Variants in HMGN5 observed in about 807,000 individuals in gnomAD.
HMGN5 encodes high mobility group nucleosome binding domain 5, also known as high mobility group nucleosome-binding domain-containing protein 5.
In HMGN5, 4 loss-of-function variants were observed where a neutral mutation model predicts 9.5. The ratio of observed to expected loss-of-function variants is 0.42; its 90% CI spans 0.21 to 0.96. The LOEUF is 0.96. HMGN5 is among the 40% of genes least tolerant of loss of function. The probability of loss-of-function intolerance (pLI) is 0.30; values close to 1 mark genes in which losing one functional copy is unlikely to be tolerated. For synonymous variants in HMGN5, 55 were observed against 57.1 expected (o/e 0.96, Z 0.16); for missense variants, 192 against 187.5 (o/e 1.02, Z -0.14).
chrX:81,155,690 C>T (rs1257133193), intron 1 of HMGN5, among the ~76,000 whole-genome samples: 2 of 111,547 alleles, frequency 1.8e-5, no homozygotes, highest in Non-Finnish European at 3.8e-5. Flanking sequence ...CTTTTTAAAA[C>T]ATTCTTTAAA....
At position 81,115,211 on chromosome X, in the gene HMGN5, T is replaced by G. The variant is rs1483320337; in HGVS notation, c.287A>C (p.Glu96Ala). 2.6e-6 allele frequency: 3 copies of G among 1,174,723 alleles called. No individual in the cohort carries two copies. Among genetic ancestry groups the G allele is most frequent in the Non-Finnish European group, 3.4e-6 (3 of 881,081 alleles). ...ATTTTCTTCTTTTACTTCCACAATT[T>G]CTTTTTCAGAAGCTGGTGCCTGTAA... ...KITEAPASEK[E>A]IVEVKEENIE... Residue 96 changes from glutamate to alanine, a missense_variant, in exon 7 of 7, where the codon GAA (glutamate) becomes GCA (alanine). Glu to Ala is a moderately radical substitution (Grantham distance 107). Transcript: ENST00000358130.
At chrX:81,198,581 A>G (rs2075515811) in intron 1 of HMGN5, among the ~76,000 whole-genome samples, 1 of 112,077 alleles carries the variant, frequency 8.9e-6, no homozygotes, top group African/African-American at 3.2e-5. Context: ...ATATATGCAA[A>G]TCAATTAATG....
intron 1 of HMGN5, among the ~76,000 whole-genome samples, chrX:81,145,552 A>G (rs1439217231): frequency 1.8e-5 from 2 of 112,158 alleles, no homozygotes; most frequent in African/African-American, 6.5e-5. Flanking sequence ...AAAACATACC[A>G]AATTGTAAAG....
chrX:81,139,529 C>A (rs1319702539), intron 1 of HMGN5, among the ~76,000 whole-genome samples: 1 of 111,096 alleles, frequency 9.0e-6, no homozygotes, highest in Non-Finnish European at 1.9e-5. Context: ...TCATAAGAAG[C>A]AAAAATCAGG....
At chrX:81,188,203 A>G (rs1290643393) in intron 1 of HMGN5, among the ~76,000 whole-genome samples, 3 of 108,639 alleles carry the variant, frequency 2.8e-5, no homozygotes, top group African/African-American at 1.0e-4. Context: ...GGCTCAAGCA[A>G]TCCTCCCACC....
chrX:81,144,265 G>A (rs2075337211), intron 1 of HMGN5, among the ~76,000 whole-genome samples: 2 of 111,313 alleles, frequency 1.8e-5, no homozygotes, highest in Admixed American at 9.6e-5. Context: ...CTGGCATCTG[G>A]CAGGTGGCCT....
At chrX:81,170,634 C>T (rs969322141) in intron 1 of HMGN5, among the ~76,000 whole-genome samples, 2 of 110,992 alleles carry the variant, frequency 1.8e-5, no homozygotes, top group Non-Finnish European at 3.8e-5. Flanking sequence ...GAGGTATTAT[C>T]AACAAGATAT....
intron 1 of HMGN5, among the ~76,000 whole-genome samples, chrX:81,129,716 G>C (rs181628428): frequency 9.0e-6 from 1 of 111,413 alleles, no homozygotes; most frequent in Non-Finnish European, 1.9e-5. Flanking sequence ...AGGAGTGAGT[G>C]GGGGATACAG....
rs1216179046 is a variant in HMGN5 at position 81,130,593 on chromosome X, A to G, written c.-123-8921T>C. ...TAAAATTTTGCTAATGTAATTAATC[A>G]AATAGAGAATTAATTATGCTTGGTT... On this transcript the variant is annotated intron_variant, in intron 1 of 6. Coordinates refer to ENST00000358130, the MANE Select transcript of HMGN5 (RefSeq NM_030763.3). 8.1e-5 allele frequency among the ~76,000 whole-genome samples: 9 copies of G among 111,256 alleles called. No homozygotes were observed. In the Admixed American group the frequency reaches 8.7e-4, roughly 11 times the overall value.
At chrX:81,186,294 T>C (rs749024338) in intron 1 of HMGN5, among the ~76,000 whole-genome samples, 61 of 112,064 alleles carry the variant, frequency 5.4e-4, no homozygotes, top group Non-Finnish European at 1.0e-3. Context: ...TCATTAGTTG[T>C]TACTGATCTG....
intron 5 of HMGN5, among the ~76,000 whole-genome samples, chrX:81,117,619 A>G (rs2075257532): frequency 2.7e-5 from 3 of 111,321 alleles, no homozygotes; most frequent in Admixed American, 1.9e-4. Flanking sequence ...TTAACCTTAT[A>G]TAATAGTGGA....
intron 1 of HMGN5, among the ~76,000 whole-genome samples, chrX:81,144,644 T>G (rs1269117170): frequency 2.7e-5 from 3 of 111,475 alleles, no homozygotes; most frequent in African/African-American, 9.8e-5. Flanking sequence ...GGATGGAGAA[T>G]GAGTTTGATG....
intron 1 of HMGN5, among the ~76,000 whole-genome samples, chrX:81,172,537 GA>G (rs1036636597): frequency 2.0e-5 from 2 of 100,506 alleles, no homozygotes; most frequent in Non-Finnish European, 4.1e-5. Context: ...TGAATACCCA[GA>G]AAAAAACACC....
At chrX:81,146,710 C>A (rs894348233) in intron 1 of HMGN5, among the ~76,000 whole-genome samples, 1 of 111,522 alleles carries the variant, frequency 9.0e-6, no homozygotes, top group Admixed American at 9.5e-5. Flanking sequence ...AATCAAGGAG[C>A]TAGTTTTTTG....
intron 1 of HMGN5, among the ~76,000 whole-genome samples, chrX:81,130,044 A>C (rs932318902): frequency 3.6e-5 from 4 of 111,787 alleles, no homozygotes; most frequent in Non-Finnish European, 7.5e-5. Context: ...CCTTGCCACC[A>C]GGAAAGTATG....
chrX:81,172,554 TAA>T (rs35879365), intron 1 of HMGN5, among the ~76,000 whole-genome samples: 2 of 99,999 alleles, frequency 2.0e-5, no homozygotes, highest in East Asian at 6.0e-4. Context: ...ACACCCAATG[TAA>T]AAAAAAAAAA....
Position 81,114,494 on chromosome X carries a change from C to A in HMGN5, c.*155G>T. On this transcript the variant is annotated 3_prime_UTR_variant, in exon 7 of 7. Transcript: ENST00000358130. ...ATAGATAAATGTTTCATGTTAGAAA[C>A]TTTATGGCTAATAATCAATATGAAG... 2.1e-6 allele frequency: 1 copy of A among 481,775 alleles called. No individual in the cohort carries two copies. The highest frequency in any genetic ancestry group is 3.0e-6 in the Non-Finnish European group (1 of 330,493). The allele number at this position is 481,775 out of a possible 1,213,427, so 39.7% of individuals were successfully genotyped here.
intron 1 of HMGN5, among the ~76,000 whole-genome samples, chrX:81,135,310 G>T (rs1251678277): frequency 1.8e-5 from 2 of 111,360 alleles, no homozygotes; most frequent in African/African-American, 6.5e-5. Flanking sequence ...AATGGGGAAA[G>T]GATTTGATAT....
intron 1 of HMGN5, among the ~76,000 whole-genome samples, chrX:81,152,557 C>A (rs1454412432): frequency 9.0e-6 from 1 of 110,814 alleles, no homozygotes; most frequent in East Asian, 2.9e-4. Flanking sequence ...GGACTGTAAA[C>A]TAGTTCAACC....
Sources: allele counts gnomAD v4.1 joint callset (sites outside exome capture counted in the v4.1 genomes callset), GRCh38; gene constraint gnomAD v4.1.1; transcripts MANE v1.5; gene names NCBI Gene and HGNC (gene_info 2026-07-23, HGNC 2026-07-21).